The following MYO10 variants were observed in gnomAD, a reference collection of about 807,000 sequenced individuals.
MYO10 encodes unconventional myosin-X.
In MYO10, 133 loss-of-function variants were observed where a neutral mutation model predicts 257.3. The ratio of observed to expected loss-of-function variants is 0.52; its 90% CI spans 0.45 to 0.60. The LOEUF is 0.60. Ranked by LOEUF, MYO10 falls within the 20% of genes least tolerant of loss-of-function variation. MYO10 has a pLI of 0.00. For synonymous variants in MYO10, 1,104 were observed against 1,028.6 expected (o/e 1.07, Z -1.40); for missense variants, 2,399 against 2,635.7 (o/e 0.91, Z 1.97).
intron 4 of MYO10, among the ~76,000 whole-genome samples, chr5:16,789,902 C>T (rs150532997): frequency 6.6e-6 from 1 of 152,306 alleles, no homozygotes; most frequent in East Asian, 1.9e-4. Context: ...TTCTGGGCCT[C>T]GGCTTCCCTA....
chr5:16,671,315 A>AC, intron 38 of MYO10, 107 bp downstream of exon 38: 2 of 1,353,498 alleles, frequency 1.5e-6, no homozygotes, highest in Non-Finnish European at 2.0e-6. Context: ...TGGGAAATCC[A>AC]CAGGTGTGCC....
At chr5:16,853,210 A>G (rs1743860995) in intron 2 of MYO10, among the ~76,000 whole-genome samples, 1 of 152,064 alleles carries the variant, frequency 6.6e-6, no homozygotes, top group Non-Finnish European at 1.5e-5. Flanking sequence ...CTCTACTGAA[A>G]ATACAAAAAA....
chr5:16,672,350 G>C (rs1736507118), intron 37 of MYO10, among the ~76,000 whole-genome samples: 2 of 149,580 alleles, frequency 1.3e-5, no homozygotes, highest in Admixed American at 6.7e-5. Flanking sequence ...ATAGTTTAAA[G>C]AGTTTATAAG....
At chr5:16,814,071 G>A (rs1007845268) in intron 3 of MYO10, among the ~76,000 whole-genome samples, 29 of 152,196 alleles carry the variant, frequency 1.9e-4, no homozygotes, top group African/African-American at 6.8e-4. Flanking sequence ...GGAAACAGAC[G>A]CAGCCCTGCT....
chr5:16,888,586 A>G (rs1475123987), intron 1 of MYO10, among the ~76,000 whole-genome samples: 1 of 149,888 alleles, frequency 6.7e-6, no homozygotes, highest in East Asian at 2.0e-4. Flanking sequence ...CAAGAGCGAG[A>G]CTCCGTCTCA....
chr5:16,769,896 G>A (rs1740993206), intron 9 of MYO10, among the ~76,000 whole-genome samples: 1 of 152,134 alleles, frequency 6.6e-6, no homozygotes, highest in Non-Finnish European at 1.5e-5. Context: ...AAAATGTGGA[G>A]AGGGAGTACT....
intron 1 of MYO10, among the ~76,000 whole-genome samples, chr5:16,903,640 G>A (rs1745445692): frequency 6.6e-6 from 1 of 152,120 alleles, no homozygotes; most frequent in Non-Finnish European, 1.5e-5. Flanking sequence ...GTTAAATAAG[G>A]GAACAAATAT....
chr5:16,705,637 C>T (rs1049749401), intron 21 of MYO10, among the ~76,000 whole-genome samples: 11 of 152,152 alleles, frequency 7.2e-5, no homozygotes, highest in South Asian at 2.1e-4. Flanking sequence ...TTTTACTTTA[C>T]GCTTCCATGC....
rs759288141 is a variant in MYO10, at chr5:16,672,745, G to A, written c.5253C>T (p.Val1751=). The change falls in exon 37 of 41, where the codon GTC becomes GTT. Residue 1751 remains valine, a synonymous_variant. Coordinates refer to ENST00000513610, the MANE Select transcript of MYO10 (RefSeq NM_012334.3). ...MFALFEYNGH[V]DKAIESRTVV... Reference sequence around the variant, plus strand: ...CGGTTCGACTTTCAATGGCTTTGTCGACGTGGCCGTTGTATTCAAACAAAG... The same window carrying A: ...CGGTTCGACTTTCAATGGCTTTGTCAACGTGGCCGTTGTATTCAAACAAAG... The A allele has an allele frequency of 1.9e-5, 30 of 1,613,834 alleles. No individual in the cohort carries two copies. The highest frequency in any genetic ancestry group is 1.6e-4 in the Middle Eastern group (1 of 6,084).
In MYO10 at chr5:16,812,931, T is replaced by A. The variant is rs200277192; in HGVS notation, c.279+5078A>T. ...TGACTATTCTGGGTGCTTTTATTTT[T>A]TTTTTTTTTTTATCACTTTCTACCC... On this transcript the variant is annotated intron_variant, in intron 3 of 40. Transcript: ENST00000513610. 5.8e-3 allele frequency among the ~76,000 whole-genome samples: 870 copies of A among 150,962 alleles called. 10 individuals are homozygous for A. The highest frequency in any genetic ancestry group is 6.2e-3 in the Non-Finnish European group (419 of 67,870).
chr5:16,902,295 T>G (rs543911879), intron 1 of MYO10: 1 of 806,790 alleles, frequency 1.2e-6, no homozygotes, highest in East Asian at 2.4e-5. Context: ...CTCAGCTCCT[T>G]ACATGGGCTT....
chr5:16,785,307 C>T (rs1329327682), intron 4 of MYO10, among the ~76,000 whole-genome samples: 2 of 152,170 alleles, frequency 1.3e-5, no homozygotes, highest in Non-Finnish European at 2.9e-5. Flanking sequence ...GTGCCTGGCA[C>T]GGGGGAGGCA....
intron 12 of MYO10, among the ~76,000 whole-genome samples, 189 bp downstream of exon 12, chr5:16,764,061 T>C (rs1026127183): frequency 6.6e-6 from 1 of 150,998 alleles, no homozygotes; most frequent in African/African-American, 2.4e-5. Context: ...GGTGGGAGAA[T>C]CACTTGAACC....
chr5:16,714,740 G>A (rs1040751177), intron 19 of MYO10, among the ~76,000 whole-genome samples: 10 of 152,102 alleles, frequency 6.6e-5, no homozygotes, highest in Non-Finnish European at 1.2e-4. Context: ...GGAGAATGGC[G>A]TCAACCCAGG....
chr5:16,846,782 G>C (rs892090692), intron 2 of MYO10, among the ~76,000 whole-genome samples: 6 of 152,224 alleles, frequency 3.9e-5, no homozygotes, highest in Non-Finnish European at 8.8e-5. Flanking sequence ...AGAAAGGTAA[G>C]TATTGCCATC....
At chr5:16,884,014 A>AG (rs1483117380) in intron 1 of MYO10, among the ~76,000 whole-genome samples, 1 of 152,206 alleles carries the variant, frequency 6.6e-6, no homozygotes, top group Non-Finnish European at 1.5e-5. Context: ...CGCCTATGTT[A>AG]AGTACCTCAG....
intron 2 of MYO10, among the ~76,000 whole-genome samples, chr5:16,869,440 A>C (rs1014633506): frequency 2.0e-5 from 3 of 151,970 alleles, no homozygotes; most frequent in African/African-American, 7.3e-5. Context: ...TTTTTCAGGC[A>C]TGGTGCACCC....
chr5:16,712,818 A>C (rs186930188), intron 19 of MYO10, among the ~76,000 whole-genome samples: 2 of 152,350 alleles, frequency 1.3e-5, no homozygotes, highest in East Asian at 3.9e-4. Flanking sequence ...AATTAGGGCA[A>C]ACATCCAAAG....
chr5:16,730,834 G>A (rs1041134801), intron 19 of MYO10, among the ~76,000 whole-genome samples: 13 of 152,124 alleles, frequency 8.5e-5, no homozygotes, highest in African/African-American at 3.1e-4. Flanking sequence ...AGAAAGACAG[G>A]GATGCAGCAC....
Sources: allele counts gnomAD v4.1 joint callset (sites outside exome capture counted in the v4.1 genomes callset), GRCh38; gene constraint gnomAD v4.1.1; transcripts MANE v1.5; gene names NCBI Gene and HGNC (gene_info 2026-07-23, HGNC 2026-07-21).